CD44: variants seen among roughly 807,000 people sequenced by gnomAD.
The protein encoded by CD44 is CD44 molecule (IN blood group), also known as CD44 antigen.
A neutral mutation model predicts 88.8 loss-of-function variants in CD44; 49 were observed. That is an observed-to-expected ratio of 0.55 (90% CI 0.44 to 0.70). The LOEUF (loss-of-function observed/expected upper bound fraction) is 0.70. Ranked by LOEUF, CD44 falls within the 30% of genes least tolerant of loss-of-function variation. CD44 has a pLI of 0.00. For missense variants in CD44, 883 were observed against 913.8 expected, an observed-to-expected ratio of 0.97 and a Z score of 0.43; for synonymous variants, 325 against 312.3, an observed-to-expected ratio of 1.04 and a Z score of -0.43.
At chr11:35,193,415 T>C (rs1565105790) in intron 5 of CD44, among the ~76,000 whole-genome samples, 2 of 152,190 alleles carry the variant, frequency 1.3e-5, no homozygotes, top group Admixed American at 6.5e-5. Flanking sequence ...TTTATATAGA[T>C]AGAGTCAAAG....
chr11:35,205,834 C>T, intron 10 of CD44: 1 of 1,061,668 alleles, frequency 9.4e-7, no homozygotes, highest in Non-Finnish European at 1.1e-6. Flanking sequence ...CCTTCATCTT[C>T]CTTTGATGTC....
Position 35,229,296 on chromosome 11 carries a change from G to A in CD44, c.2192G>A (p.Arg731Lys), listed in dbSNP as rs377420041. The A allele has an allele frequency of 6.2e-7, 1 of 1,613,598 alleles. No homozygotes were observed. Among genetic ancestry groups the A allele is most frequent in the East Asian group, 2.2e-5 (1 of 44,894 alleles). ...PDQFMTADET[R>K]NLQNVDMKIG... ...CAGTTTATGACAGCTGATGAGACAAGGAACCTGCAGAATGTGGACATGAAG... is the reference window on the plus strand; with the variant it reads ...CAGTTTATGACAGCTGATGAGACAAAGAACCTGCAGAATGTGGACATGAAG... Residue 731 changes from arginine to lysine, a missense_variant, in exon 18 of 18, where the codon AGG becomes AAG. This residue lies in a region of CD44 where 631 missense variants were observed against 590.9 expected (regional missense o/e 1.07). Coordinates refer to ENST00000428726, the MANE Select transcript of CD44 (RefSeq NM_000610.4).
intron 1 of CD44, among the ~76,000 whole-genome samples, chr11:35,168,995 C>T (rs979921814): frequency 6.6e-6 from 1 of 152,174 alleles, no homozygotes; most frequent in African/African-American, 2.4e-5. Flanking sequence ...CAAATGTTCA[C>T]AGAAGCAAAG....
At chr11:35,218,932 T>C (rs1247428720) in intron 15 of CD44, 2 of 194,772 alleles carry the variant, frequency 1.0e-5, no homozygotes, top group African/African-American at 2.3e-5. Context: ...CAGCATTCTG[T>C]TATCCCCATC....
At chr11:35,210,805 G>C (rs1948321759) in intron 13 of CD44, 1 of 166,248 alleles carries the variant, frequency 6.0e-6, no homozygotes, top group South Asian at 1.4e-4. Flanking sequence ...TAAATTAGTA[G>C]CCTCAGGCCT....
At chr11:35,209,855 T>C (rs745950646) in intron 12 of CD44, 110 bp from the exon 13 acceptor site, 8 of 681,042 alleles carry the variant, frequency 1.2e-5, no homozygotes, top group Non-Finnish European at 1.8e-5. Flanking sequence ...TTGGTCTTCC[T>C]ATGCACCTAT....
chr11:35,189,944 C>T lies in CD44; in HGVS notation c.546C>T (p.Ser182=), dbSNP rs2133887965. The T allele has an allele frequency of 1.2e-6, 2 of 1,614,178 alleles. No individual in the cohort carries two copies. Among genetic ancestry groups the T allele is most frequent in the Middle Eastern group, 1.6e-4 (1 of 6,062 alleles). The change falls in exon 5 of 18, where the codon TCC becomes TCT. Residue 182 remains serine, a synonymous_variant. Transcript: ENST00000428726. The part of the protein sequence containing the change: ...NPTDDDVSSG[S]SSERSSTSGG... ...CTGATGATGACGTGAGCAGCGGCTCCTCCAGTGAAAGGAGCAGCACTTCAG... is the reference window on the plus strand; with the variant it reads ...CTGATGATGACGTGAGCAGCGGCTCTTCCAGTGAAAGGAGCAGCACTTCAG...
chr11:35,214,872 C>A lies in CD44; in HGVS notation c.1831C>A (p.Pro611Thr). 1 of 1,556,696 alleles carries A rather than the reference C, an allele frequency of 6.4e-7. No homozygotes were observed. ...TACAGGAGACCAAGACACATTCCAC[C>A]CCAGTGGGGGGTCCCATACCACTCA... Reference protein sequence around the residue: ...SLSGDQDTFHPSGGSHTTHGS... With the variant: ...SLSGDQDTFHTSGGSHTTHGS... Residue 611 changes from proline (P) to threonine (T), a missense_variant, in exon 15 of 18, where the codon CCC (proline) becomes ACC (threonine). Physicochemically the swap from Pro to Thr is conservative, Grantham distance 38. This residue lies in a region of CD44 where 631 missense variants were observed against 590.9 expected (regional missense o/e 1.07). Coordinates refer to ENST00000428726, the MANE Select transcript of CD44 (RefSeq NM_000610.4).
Position 35,230,688 on chromosome 11 carries a change from A to G in CD44, c.*1355A>G, listed in dbSNP as rs1000370356. On this transcript the variant is annotated 3_prime_UTR_variant, in exon 18 of 18. Transcript: ENST00000428726. ...ACCAGATAGGCAAGTTTATGACCAA[A>G]CAAGAGAGTACTGGCTTTATCCTCT... is the stretch of plus-strand genomic sequence containing the variant. The G allele has an allele frequency of 1.3e-5, 2 of 152,202 alleles. No individual in the cohort carries two copies. Among genetic ancestry groups the G allele is most frequent in the African/African-American group, 4.8e-5 (2 of 41,458 alleles). The allele number at this position is 152,202 out of a possible 1,614,324, so 9.4% of individuals were successfully genotyped here.
rs925973736 is a variant in CD44 at position 35,229,875 on chromosome 11, T to G, written c.*542T>G. 6.4e-6 allele frequency: 1 copy of G among 155,778 alleles called. No individual in the cohort carries two copies. Among genetic ancestry groups the G allele is most frequent in the African/African-American group, 2.4e-5 (1 of 41,502 alleles). 9.6% of individuals were successfully genotyped at this position (155,778 alleles called of 1,614,324 possible). A position where few individuals can be genotyped will look rare whatever the true frequency, so the allele number is the denominator to read the frequency against. On this transcript the variant is annotated 3_prime_UTR_variant, in exon 18 of 18. Transcript: ENST00000428726. ...CTGGGAGACACCCAAAGGGTGAAGC[T>G]ATTTATCTGTAGTAAACTATTTATC...
chr11:35,220,515 C>A (rs1453489722), intron 16 of CD44, among the ~76,000 whole-genome samples: 1 of 152,134 alleles, frequency 6.6e-6, no homozygotes, highest in Admixed American at 6.5e-5. Context: ...CATGCCTCTT[C>A]TTTCTCAAGC....
At chr11:35,190,956 C>T (rs1428575164) in intron 5 of CD44, among the ~76,000 whole-genome samples, 4 of 152,230 alleles carry the variant, frequency 2.6e-5, no homozygotes, top group Non-Finnish European at 5.9e-5. Context: ...GTGTTTACAT[C>T]TCTCTTGTCT....
At chr11:35,167,109 G>C (rs1259362760) in intron 1 of CD44, among the ~76,000 whole-genome samples, 1 of 152,212 alleles carries the variant, frequency 6.6e-6, no homozygotes, top group East Asian at 1.9e-4. Flanking sequence ...AAATGAAGAA[G>C]AAAATGACTT....
chr11:35,219,007 A>G (rs771142478), intron 15 of CD44: 1 of 316,294 alleles, frequency 3.2e-6, no homozygotes, highest in South Asian at 5.2e-5. Flanking sequence ...CTAGTTAGCA[A>G]GGGACAGCGG....
At chr11:35,141,336 T>G (rs1857881166) in intron 1 of CD44, among the ~76,000 whole-genome samples, 1 of 152,200 alleles carries the variant, frequency 6.6e-6, no homozygotes, top group African/African-American at 2.4e-5. Flanking sequence ...GGAAGGATTT[T>G]GGTGGACTCT....
At chr11:35,153,856 C>A (rs746093063) in intron 1 of CD44, among the ~76,000 whole-genome samples, 1 of 152,160 alleles carries the variant, frequency 6.6e-6, no homozygotes, top group African/African-American at 2.4e-5. Flanking sequence ...CCTTGAGGAC[C>A]CTTGTTGTCA....
intron 1 of CD44, among the ~76,000 whole-genome samples, chr11:35,174,071 A>T (rs1424460538): frequency 6.6e-6 from 1 of 152,232 alleles, no homozygotes; most frequent in Non-Finnish European, 1.5e-5. Context: ...AGAATCTCAA[A>T]GGTACTGGGT....
Position 35,190,537 on chromosome 11 carries a change from T to G in CD44, c.667+472T>G, listed in dbSNP as rs149382108. 841 of 170,488 alleles carry G rather than the reference T, an allele frequency of 4.9e-3. 6 individuals carry two copies. The highest frequency in any genetic ancestry group is 0.018 in the Middle Eastern group (6 of 340). 10.6% of individuals were successfully genotyped at this position (170,488 alleles called of 1,614,324 possible). ...GCCTGAGGTTGCAATTTTTTGAATT[T>G]TTGCAATCAGACCTTGGTGATGACA... On this transcript the variant is annotated intron_variant, in intron 5 of 17. Coordinates refer to ENST00000428726, the MANE Select transcript of CD44 (RefSeq NM_000610.4).
At chr11:35,193,889 T>C (rs2133941142) in intron 5 of CD44, among the ~76,000 whole-genome samples, 1 of 152,326 alleles carries the variant, frequency 6.6e-6, no homozygotes, top group Admixed American at 6.5e-5. Flanking sequence ...TTGAACACAT[T>C]TTCTTTGCAA....
Sources: allele counts gnomAD v4.1 joint callset (sites outside exome capture counted in the v4.1 genomes callset), GRCh38; gene constraint gnomAD v4.1.1; regional missense constraint gnomAD v4.1.1; transcripts MANE v1.5; gene names NCBI Gene and HGNC (gene_info 2026-07-23, HGNC 2026-07-21).